NTRK2: variants seen among roughly 807,000 people sequenced by gnomAD.
NTRK2 encodes neurotrophic receptor tyrosine kinase 2, also known as BDNF/NT-3 growth factors receptor.
Under a neutral mutation model 94.5 loss-of-function variants are expected in NTRK2, and 13 were observed. That is an observed-to-expected ratio of 0.14 (90% CI 0.09 to 0.22). NTRK2 has a LOEUF of 0.22. NTRK2 is among the 10% of genes least tolerant of loss of function. NTRK2 has a pLI of 1.00. For synonymous variants in NTRK2, 372 were observed against 407.4 expected (o/e 0.91, Z 1.05); for missense variants, 639 against 1,071.2 (o/e 0.60, Z 5.63).
At chr9:84,864,282 G>A (rs117903323) in intron 13 of NTRK2, among the ~76,000 whole-genome samples, 9 of 152,066 alleles carry the variant, frequency 5.9e-5, no homozygotes, top group Non-Finnish European at 8.8e-5. Context: ...CTGACAGCAC[G>A]TGGAGTCTTT....
In NTRK2 at chr9:84,830,539, G is replaced by A. The variant is rs572879574; in HGVS notation, c.1397-30501G>A. ...CGTGTATGTGTATGAGCATGCATGC[G>A]TGTGTGTGTGTGTGTGTGTGTGTGA... On this transcript the variant is annotated intron_variant, in intron 12 of 18. Coordinates refer to ENST00000277120, the MANE Select transcript of NTRK2 (RefSeq NM_006180.6). 2.1e-3 allele frequency among the ~76,000 whole-genome samples: 205 copies of A among 95,442 alleles called. 1 individual carries two copies. Among genetic ancestry groups the A allele is most frequent in the African/African-American group, 0.015 (197 of 12,922 alleles). The allele number at this position is 95,442 out of a possible 152,430, so 62.6% of individuals were successfully genotyped here. A position where few individuals can be genotyped will look rare whatever the true frequency, so the allele number is the denominator to read the frequency against.
At chr9:84,998,547 G>A (rs1210023110) in intron 17 of NTRK2, among the ~76,000 whole-genome samples, 3 of 152,194 alleles carry the variant, frequency 2.0e-5, no homozygotes, top group Non-Finnish European at 4.4e-5. Flanking sequence ...AGGCATACAT[G>A]CTTTGCCTCC....
chr9:85,014,497 TG>T lies in NTRK2; in HGVS notation c.2173-5708del, dbSNP rs547037685. Among the ~76,000 whole-genome samples, 155 of 152,346 alleles carry T rather than the reference TG, an allele frequency of 1.0e-3. 1 individual carries two copies. Among genetic ancestry groups the T allele is most frequent in the African/African-American group, 3.4e-3 (143 of 41,588 alleles). On this transcript the variant is annotated intron_variant, in intron 17 of 18. Transcript: ENST00000277120. The stretch of plus-strand genomic sequence containing the variant: ...TTGGTCGCCAATTCATATTTACACT[TG>T]CTCAGCAAATTCCTTCATTTCCCTA...
In NTRK2 at chr9:84,788,635, G is replaced by A. The variant is rs563701123; in HGVS notation, c.1396+36550G>A. Among the ~76,000 whole-genome samples the A allele has an allele frequency of 5.3e-5, 8 of 152,248 alleles. No individual in the cohort carries two copies. The East Asian group carries it at 1.4e-3, about 26-fold the overall frequency. On this transcript the variant is annotated intron_variant, in intron 12 of 18. Coordinates refer to ENST00000277120, the MANE Select transcript of NTRK2 (RefSeq NM_006180.6). ...GCAGAGGTTTGAGTGTGTGGGATGA[G>A]CTCAAGGTGGGGTGTTCTGTGGGAA...
chr9:84,965,171 T>TA (rs1449004690), intron 17 of NTRK2, among the ~76,000 whole-genome samples: 1 of 152,202 alleles, frequency 6.6e-6, no homozygotes, highest in Non-Finnish European at 1.5e-5. Context: ...AAAAAATGTG[T>TA]AGGCAGAATA....
chr9:84,872,933 G>A (rs989479526), intron 14 of NTRK2: 13 of 1,065,140 alleles, frequency 1.2e-5, no homozygotes, highest in Non-Finnish European at 1.4e-5. Flanking sequence ...TTACCAATAA[G>A]GGGAAAGGCT....
intron 17 of NTRK2, among the ~76,000 whole-genome samples, chr9:84,998,020 C>T (rs2133378089): frequency 6.6e-6 from 1 of 152,360 alleles, no homozygotes; most frequent in Non-Finnish European, 1.5e-5. Flanking sequence ...TACCTCTCAC[C>T]TCTTGGCCTG....
intron 14 of NTRK2, among the ~76,000 whole-genome samples, chr9:84,901,527 C>T (rs535544835): frequency 3.0e-4 from 46 of 152,036 alleles, no homozygotes; most frequent in South Asian, 6.2e-4. Context: ...CCACCGCGCC[C>T]GACCATAATT....
chr9:85,003,327 G>T (rs4390025), intron 17 of NTRK2, among the ~76,000 whole-genome samples: 111,159 of 152,116 alleles, frequency 0.73, 41,265 homozygotes, highest in African/African-American at 0.82. Flanking sequence ...TGTTTATACC[G>T]CTGCTCAGCA....
intron 17 of NTRK2, among the ~76,000 whole-genome samples, chr9:85,016,827 A>G (rs1412278575): frequency 1.3e-5 from 2 of 152,176 alleles, no homozygotes; most frequent in Non-Finnish European, 2.9e-5. Flanking sequence ...TGAACAAGGA[A>G]AGCATTATTT....
intron 2 of NTRK2, among the ~76,000 whole-genome samples, chr9:84,698,851 T>G (rs1033784898): frequency 3.9e-5 from 6 of 152,226 alleles, no homozygotes; most frequent in Admixed American, 2.0e-4. Flanking sequence ...TCCCTGTTAT[T>G]CACCTTACTG....
chr9:84,756,580 T>C (rs2132568270), intron 12 of NTRK2, among the ~76,000 whole-genome samples: 1 of 152,342 alleles, frequency 6.6e-6, no homozygotes, highest in African/African-American at 2.4e-5. Context: ...AGTCCACATA[T>C]GATATCTAAT....
At chr9:84,771,759 GT>G (rs1193992509) in intron 12 of NTRK2, among the ~76,000 whole-genome samples, 1 of 152,062 alleles carries the variant, frequency 6.6e-6, no homozygotes, top group African/African-American at 2.4e-5. Flanking sequence ...TCCCTTTTTA[GT>G]AAATTTGTGT....
intron 13 of NTRK2, among the ~76,000 whole-genome samples, chr9:84,866,565 G>A (rs190610788): frequency 7.6e-4 from 116 of 152,280 alleles, no homozygotes; most frequent in African/African-American, 2.6e-3. Flanking sequence ...AGAGAGGAAA[G>A]CTACGTATTA....
chr9:84,886,317 T>G (rs17087824), intron 14 of NTRK2, among the ~76,000 whole-genome samples: 17,560 of 152,214 alleles, frequency 0.12, 1,531 homozygotes, highest in African/African-American at 0.24. Context: ...AGACAACAGT[T>G]TAGTTTGGAC....
intron 12 of NTRK2, among the ~76,000 whole-genome samples, chr9:84,819,895 A>G (rs1019940360): frequency 2.6e-5 from 4 of 152,044 alleles, no homozygotes; most frequent in Non-Finnish European, 5.9e-5. Context: ...TGGCCCTACA[A>G]TATATCTCTT....
chr9:84,865,908 C>T (rs1452798834), intron 13 of NTRK2, among the ~76,000 whole-genome samples: 1 of 152,186 alleles, frequency 6.6e-6, no homozygotes, highest in Non-Finnish European at 1.5e-5. Context: ...TCACGTAGAC[C>T]TTTATCTTTG....
chr9:84,874,985 G>T, intron 14 of NTRK2: 14 of 1,054,820 alleles, frequency 1.3e-5, no homozygotes, highest in Non-Finnish European at 1.5e-5. Context: ...TTTAAAATAA[G>T]AATAAATAAT....
rs2069793408 is a variant in NTRK2 at position 84,797,865 on chromosome 9, T to C, written c.1396+45780T>C. Among the ~76,000 whole-genome samples, 4 of 105,400 alleles carry C rather than the reference T, an allele frequency of 3.8e-5. No individual in the cohort carries two copies. The South Asian group carries it at 1.0e-3, about 26-fold the overall frequency. The allele number at this position is 105,400 out of a possible 152,430, so 69.1% of individuals were successfully genotyped here. A position where few individuals can be genotyped will look rare whatever the true frequency, so the allele number is the denominator to read the frequency against. On this transcript the variant is annotated intron_variant, in intron 12 of 18. Transcript: ENST00000277120. ...ATATTATATATTATATATACTATAA[T>C]AATATATATAATATAGTAATAATTA...
Sources: gnomAD v4.1 joint callset for allele counts (sites outside exome capture counted in the v4.1 genomes callset) on GRCh38, gnomAD v4.1.1 for gene constraint, MANE v1.5 for transcripts, NCBI Gene and HGNC (gene_info 2026-07-23, HGNC 2026-07-21) for gene names.